The following LIPI variants were observed in gnomAD, a reference collection of about 807,000 sequenced individuals.
LIPI encodes the protein lipase member I.
A neutral mutation model predicts 50.6 loss-of-function variants in LIPI; 59 were observed. The observed-to-expected ratio is 1.16, with a 90% CI of 0.94 to 1.45. The LOEUF is 1.45. Among genes scored for constraint, LIPI ranks in the 40% most tolerant of loss-of-function variants. The pLI is 0.00. For synonymous variants in LIPI, 203 were observed against 178.2 expected, an observed-to-expected ratio of 1.14 and a Z score of -1.11; for missense variants, 586 against 536.3, an observed-to-expected ratio of 1.09 and a Z score of -0.92.
chr21:14,173,473 G>T (rs1288267164), intron 4 of LIPI, among the ~76,000 whole-genome samples: 2 of 152,160 alleles, frequency 1.3e-5, no homozygotes, highest in Non-Finnish European at 2.9e-5. Flanking sequence ...ATATAACTCA[G>T]AGAAGCCTTA....
Position 14,210,802 on chromosome 21 carries a change from G to T in LIPI, c.44C>A (p.Ser15Tyr). The T allele has an allele frequency of 2.5e-6, 3 of 1,191,950 alleles. No homozygotes were observed. The highest frequency in any genetic ancestry group is 3.3e-6 in the Non-Finnish European group (3 of 922,044). 73.8% of individuals were successfully genotyped at this position (1,191,950 alleles called of 1,614,324 possible). A position where few individuals can be genotyped will look rare whatever the true frequency, so the allele number is the denominator to read the frequency against. ...CAAATTATTAATTAATATCTTACCA[G>T]ATCTCACCCAGCACATCAAACAAAG... ...IFLCLMCWVR[S>Y]DNKRPCLEFS... The change falls in exon 1 of 10, where the codon TCT becomes TAT. Residue 15 changes from serine to tyrosine, a missense_variant and splice_region_variant. Ser to Tyr is a moderately radical substitution (Grantham distance 144). Coordinates refer to ENST00000681601, the MANE Select transcript of LIPI (RefSeq NM_001302998.2).
chr21:14,144,493 A>T, intron 9 of LIPI, 130 bp downstream of exon 9: 2 of 506,876 alleles, frequency 3.9e-6, no homozygotes, highest in Middle Eastern at 5.4e-4. Flanking sequence ...TCTAATATTT[A>T]TGTAAAATAT....
At chr21:14,161,732 CATTATTATATATTAAT>C (rs1298290875) in intron 7 of LIPI, among the ~76,000 whole-genome samples, 1,489 of 72,228 alleles carry the variant, frequency 0.021, 107 homozygotes, top group Middle Eastern at 0.067. Flanking sequence ...ATAATATATA[CATTATTATATATTAAT>C]ATATAATATA....
At position 14,152,754 on chromosome 21, in the gene LIPI, A is replaced by G. The variant is rs1401421109; in HGVS notation, c.1007-70T>C. 3 of 732,184 alleles carry G rather than the reference A, an allele frequency of 4.1e-6. No homozygotes were observed. In the East Asian group the frequency reaches 8.2e-5, roughly 20 times the overall value. The allele number at this position is 732,184 out of a possible 1,614,324, so 45.4% of individuals were successfully genotyped here. A position where few individuals can be genotyped will look rare whatever the true frequency, so the allele number is the denominator to read the frequency against. On this transcript the variant is annotated intron_variant, in intron 7 of 9. Coordinates refer to ENST00000681601, the MANE Select transcript of LIPI (RefSeq NM_001302998.2). ...TTTTGGTTTTGGTACATATTCAGATATATATATATGTGTATGTATAGATAG... is the reference window on the plus strand; with the variant it reads ...TTTTGGTTTTGGTACATATTCAGATGTATATATATGTGTATGTATAGATAG...
intron 9 of LIPI, among the ~76,000 whole-genome samples, chr21:14,118,789 C>T (rs1413128285): frequency 1.3e-5 from 2 of 152,198 alleles, no homozygotes; most frequent in African/African-American, 4.8e-5. Flanking sequence ...AAGGAACCTA[C>T]CTGGTGCAGA....
At chr21:14,183,456 A>G (rs1255660139) in intron 3 of LIPI, among the ~76,000 whole-genome samples, 1 of 152,222 alleles carries the variant, frequency 6.6e-6, no homozygotes, top group African/African-American at 2.4e-5. Context: ...AATGGCAACA[A>G]AAGCCAAAAT....
At chr21:14,158,173 A>G (rs544126892) in intron 7 of LIPI, among the ~76,000 whole-genome samples, 6 of 151,954 alleles carry the variant, frequency 3.9e-5, no homozygotes, top group African/African-American at 1.4e-4. Flanking sequence ...GCCAGTACAC[A>G]TGAAGCATGA....
rs200952837 is a variant in LIPI, at chr21:14,196,663, CA to C, written c.47-7245del. Reference sequence around the variant, plus strand: ...GCAAGGTAGCAAGATGATGTCTTTACAAAAAAAAAGTAAAAATCTAGGTCTG... The same window carrying C: ...GCAAGGTAGCAAGATGATGTCTTTACAAAAAAAAGTAAAAATCTAGGTCTG... On this transcript the variant is annotated intron_variant, in intron 1 of 9. Transcript: ENST00000681601. 3.4e-3 allele frequency among the ~76,000 whole-genome samples: 510 copies of C among 150,256 alleles called. 3 individuals carry two copies. The highest frequency in any genetic ancestry group is 0.011 in the African/African-American group (455 of 40,934).
intron 1 of LIPI, among the ~76,000 whole-genome samples, chr21:14,196,095 C>T (rs534509144): frequency 6.9e-6 from 1 of 144,342 alleles, no homozygotes; most frequent in Non-Finnish European, 1.5e-5. Context: ...GAAATAAAAA[C>T]ATGTCCTTAC....
At chr21:14,131,096 G>A (rs547534131) in intron 9 of LIPI, among the ~76,000 whole-genome samples, 175 of 152,124 alleles carry the variant, frequency 1.2e-3, no homozygotes, top group African/African-American at 3.7e-3. Flanking sequence ...GACTACAGGC[G>A]CCTGCCACCA....
rs1423963699 is a variant in LIPI, at chr21:14,163,304, G to T, written c.1006+115C>A. ...ACTGGCTATAGCAAATTTTAAATTT[G>T]CCTGAAAGAACATGATGGAATTTGA... On this transcript the variant is annotated intron_variant, in intron 7 of 9. Transcript: ENST00000681601. The T allele has an allele frequency of 1.3e-5, 8 of 617,956 alleles. No individual in the cohort carries two copies. In the East Asian group the frequency reaches 2.3e-4, roughly 18 times the overall value. The allele number at this position is 617,956 out of a possible 1,614,324, so 38.3% of individuals were successfully genotyped here. A position where few individuals can be genotyped will look rare whatever the true frequency, so the allele number is the denominator to read the frequency against.
At chr21:14,123,432 T>G (rs2016938239) in intron 9 of LIPI, among the ~76,000 whole-genome samples, 1 of 152,154 alleles carries the variant, frequency 6.6e-6, no homozygotes, top group Non-Finnish European at 1.5e-5. Flanking sequence ...TACCAACTAT[T>G]GCCCGAGAAG....
chr21:14,169,617 G>A (rs1335404342), intron 4 of LIPI, among the ~76,000 whole-genome samples: 2 of 152,074 alleles, frequency 1.3e-5, no homozygotes, highest in African/African-American at 4.8e-5. Context: ...ATGACTACTG[G>A]GTACATAACG....
chr21:14,120,425 AAG>A (rs973425219), intron 9 of LIPI, among the ~76,000 whole-genome samples: 5 of 152,220 alleles, frequency 3.3e-5, no homozygotes, highest in African/African-American at 1.2e-4. Context: ...TTTACAAAGA[AAG>A]AGAACTGTTA....
rs140471659 is a variant in LIPI, at chr21:14,139,561, C to A, written c.1295+5062G>T. Among the ~76,000 whole-genome samples, 755 of 152,182 alleles carry A rather than the reference C, an allele frequency of 5.0e-3. 5 individuals are homozygous for A. Among genetic ancestry groups the A allele is most frequent in the African/African-American group, 0.017 (714 of 41,518 alleles). ...AGTCTTTGAAGAAAATACATAGACT[C>A]AACATCCTCAAGAAACTTATCTTCT... On this transcript the variant is annotated intron_variant, in intron 9 of 9. Transcript: ENST00000681601.
Position 14,108,884 on chromosome 21 carries a change from G to T in LIPI, c.*109C>A. The stretch of plus-strand genomic sequence containing the variant: ...TTCTTAAAATTTTTTCCAAGAAATA[G>T]AAATACTTGAATCTCAAATTGAACA... On this transcript the variant is annotated 3_prime_UTR_variant, in exon 10 of 10. Transcript: ENST00000681601. The T allele has an allele frequency of 2.9e-6, 4 of 1,359,118 alleles. No individual in the cohort carries two copies. The highest frequency in any genetic ancestry group is 2.3e-5 in the East Asian group (1 of 42,924). The allele number at this position is 1,359,118 out of a possible 1,614,324, so 84.2% of individuals were successfully genotyped here.
chr21:14,180,614 A>C (rs1236761086), intron 4 of LIPI, among the ~76,000 whole-genome samples: 1 of 152,220 alleles, frequency 6.6e-6, no homozygotes. Context: ...GATGTGTTTT[A>C]TGTGGATGTG....
rs527276989 is a variant in LIPI at position 14,150,667 on chromosome 21, A to G, written c.1118+1906T>C. 1.1e-4 allele frequency among the ~76,000 whole-genome samples: 17 copies of G among 152,350 alleles called. No individual in the cohort carries two copies. In the South Asian group the frequency reaches 3.5e-3, roughly 32 times the overall value. On this transcript the variant is annotated intron_variant, in intron 8 of 9. Transcript: ENST00000681601. ...CATGTGTGAATGTGTATGTATATAC[A>G]TACATAAATACAATTGTAAGCAATT...
intron 4 of LIPI, among the ~76,000 whole-genome samples, chr21:14,169,395 A>G (rs2018811317): frequency 1.3e-5 from 2 of 152,248 alleles, no homozygotes; most frequent in South Asian, 2.1e-4. Context: ...TCCACCCCAA[A>G]TCAACAGAAT....
Sources: gnomAD v4.1 joint callset for allele counts (sites outside exome capture counted in the v4.1 genomes callset) on GRCh38, gnomAD v4.1.1 for gene constraint, MANE v1.5 for transcripts, NCBI Gene and HGNC (gene_info 2026-07-23, HGNC 2026-07-21) for gene names.